Variants in DOCK2 observed in about 807,000 individuals in gnomAD.
DOCK2 encodes dedicator of cytokinesis protein 2.
A neutral mutation model predicts 248.9 loss-of-function variants in DOCK2; 87 were observed. The ratio of observed to expected loss-of-function variants is 0.35; its 90% confidence interval spans 0.29 to 0.42. DOCK2 has a LOEUF of 0.42. Among genes scored for constraint, DOCK2 ranks in the 10% least tolerant of loss-of-function variants. DOCK2 has a pLI of 1.00. For synonymous variants in DOCK2, 805 were observed against 821.6 expected (o/e 0.98, Z 0.35); for missense variants, 1,747 against 2,300.2 (o/e 0.76, Z 4.92).
chr5:169,874,311 G>A lies in DOCK2; in HGVS notation c.2799+33459G>A, dbSNP rs560552104. Reference sequence around the variant, plus strand: ...ACCTATAATCCCAGCTACTCAGGAGGCTGAGGCAGAAAAATCGCTTAAACC... The same window carrying A: ...ACCTATAATCCCAGCTACTCAGGAGACTGAGGCAGAAAAATCGCTTAAACC... On this transcript the variant is annotated intron_variant, in intron 27 of 51. Transcript: ENST00000520908. Among the ~76,000 whole-genome samples, 32 of 151,348 alleles carry A rather than the reference G, an allele frequency of 2.1e-4. No individual in the cohort carries two copies. In the East Asian group the frequency reaches 6.0e-3, roughly 29 times the overall value.
chr5:169,776,957 C>A (rs1289684043), intron 25 of DOCK2, among the ~76,000 whole-genome samples: 2 of 152,334 alleles, frequency 1.3e-5, no homozygotes, highest in East Asian at 3.9e-4. Flanking sequence ...TGGACTAATA[C>A]AACCAATTGT....
chr5:169,995,056 A>T, intron 29 of DOCK2, among the ~76,000 whole-genome samples: 2 of 144,810 alleles, frequency 1.4e-5, no homozygotes, highest in Non-Finnish European at 1.5e-5. Context: ...TTTGAGAGAG[A>T]CTCTCACTAT....
intron 6 of DOCK2, among the ~76,000 whole-genome samples, chr5:169,677,384 C>T (rs1304242009): frequency 6.6e-6 from 1 of 152,208 alleles, no homozygotes; most frequent in African/African-American, 2.4e-5. Flanking sequence ...TCAGTTTCAG[C>T]TAGCTGAAGG....
At chr5:169,754,920 A>ATAATTTATTTAT (rs1554097251) in intron 23 of DOCK2, among the ~76,000 whole-genome samples, 1 of 141,320 alleles carries the variant, frequency 7.1e-6, no homozygotes, top group African/African-American at 2.6e-5. Context: ...CCTATTTTTT[A>ATAATTTATTTAT]TTATTTATTT....
intron 26 of DOCK2, among the ~76,000 whole-genome samples, chr5:169,831,231 T>C (rs1769212386): frequency 6.6e-6 from 1 of 151,974 alleles, no homozygotes; most frequent in African/African-American, 2.4e-5. Flanking sequence ...AAAAAAGGTG[T>C]ATATTACATA....
At chr5:170,021,507 A>G (rs373781150) in intron 33 of DOCK2, among the ~76,000 whole-genome samples, 18 of 152,122 alleles carry the variant, frequency 1.2e-4, no homozygotes, top group African/African-American at 4.3e-4. Flanking sequence ...GCAGCCTCAG[A>G]GAGTTTCACT....
chr5:169,877,009 T>C (rs1561787656), intron 27 of DOCK2, among the ~76,000 whole-genome samples: 6 of 152,216 alleles, frequency 3.9e-5, no homozygotes, highest in Admixed American at 2.0e-4. Flanking sequence ...ATCAGTGACC[T>C]AGCAGATGAG....
Position 169,700,142 on chromosome 5 carries a change from G to A in DOCK2, c.1258+3G>A, listed in dbSNP as rs773510393. 3.7e-6 allele frequency: 6 copies of A among 1,613,458 alleles called. No homozygotes were observed. The Admixed American group carries it at 5.0e-5, about 13-fold the overall frequency. ...ATTCCCAGAGATCATCATGCCAGGT[G>A]AGACACAGCTGCTCTGACCTTCCCC... On this transcript the variant is annotated splice_donor_region_variant and intron_variant, in intron 13 of 51. Transcript: ENST00000520908.
chr5:170,076,316 A>G (rs921547121), intron 47 of DOCK2, among the ~76,000 whole-genome samples: 1 of 152,172 alleles, frequency 6.6e-6, no homozygotes, highest in Admixed American at 6.5e-5. Context: ...GATACCAACT[A>G]CTCAAGGGAC....
chr5:169,909,750 G>A (rs1214642401), intron 27 of DOCK2, among the ~76,000 whole-genome samples: 2 of 152,144 alleles, frequency 1.3e-5, no homozygotes, highest in Non-Finnish European at 2.9e-5. Context: ...CAGTGTCACT[G>A]TGAATAAAAT....
At chr5:169,811,543 G>A (rs1034940863) in intron 26 of DOCK2, among the ~76,000 whole-genome samples, 5 of 152,160 alleles carry the variant, frequency 3.3e-5, no homozygotes, top group Non-Finnish European at 7.4e-5. Flanking sequence ...CTGTGACCAA[G>A]GCTGCTTTGT....
chr5:170,000,990 C>A (rs531101490), intron 30 of DOCK2, among the ~76,000 whole-genome samples: 10 of 152,316 alleles, frequency 6.6e-5, no homozygotes, highest in African/African-American at 9.6e-5. Flanking sequence ...CCCATAGCGC[C>A]ACCACAGGGG....
chr5:169,833,211 G>T lies in DOCK2; in HGVS notation c.2704-7546G>T, dbSNP rs139905251. 6.1e-4 allele frequency among the ~76,000 whole-genome samples: 93 copies of T among 152,146 alleles called. No homozygotes were observed. The East Asian group carries it at 0.015, about 25-fold the overall frequency. ...ACATGACACAATCATATTTTTAAAA[G>T]TGTATCACTATCAGGTATATGTTTA... On this transcript the variant is annotated intron_variant, in intron 26 of 51. Transcript: ENST00000520908.
At chr5:170,003,263 A>G (rs992207454) in intron 30 of DOCK2, among the ~76,000 whole-genome samples, 2 of 152,218 alleles carry the variant, frequency 1.3e-5, no homozygotes, top group African/African-American at 4.8e-5. Flanking sequence ...TGGGTATTTT[A>G]CAAGTGAGGA....
At chr5:170,051,902 G>C (rs1756930444) in intron 41 of DOCK2, among the ~76,000 whole-genome samples, 1 of 152,196 alleles carries the variant, frequency 6.6e-6, no homozygotes, top group South Asian at 2.1e-4. Context: ...AAGTCACATG[G>C]GGTGATATTA....
intron 22 of DOCK2, among the ~76,000 whole-genome samples, chr5:169,728,376 A>C (rs553584155): frequency 6.6e-6 from 1 of 152,290 alleles, no homozygotes; most frequent in African/African-American, 2.4e-5. Flanking sequence ...AAGGTGAGTA[A>C]TACTATAAAA....
chr5:169,766,032 AAAC>A (rs1372589525), intron 25 of DOCK2, among the ~76,000 whole-genome samples: 2 of 152,216 alleles, frequency 1.3e-5, no homozygotes, highest in Non-Finnish European at 2.9e-5. Flanking sequence ...GGCTAGGAAT[AAAC>A]AACCCTCTGA....
intron 26 of DOCK2, among the ~76,000 whole-genome samples, chr5:169,816,838 G>A (rs261597): frequency 0.49 from 74,344 of 151,808 alleles, 19,512 homozygotes; most frequent in African/African-American, 0.69. Flanking sequence ...CAGTCAATGC[G>A]GTTATATTCT....
intron 29 of DOCK2, among the ~76,000 whole-genome samples, chr5:169,991,462 T>C (rs1778203773): frequency 6.6e-6 from 1 of 152,230 alleles, no homozygotes; most frequent in African/African-American, 2.4e-5. Flanking sequence ...TGCCCATGGC[T>C]TCTGCTCAAG....
Sources: allele counts gnomAD v4.1 joint callset (sites outside exome capture counted in the v4.1 genomes callset), GRCh38; gene constraint gnomAD v4.1.1; transcripts MANE v1.5; gene names NCBI Gene and HGNC (gene_info 2026-07-23, HGNC 2026-07-21).